CTDSP1: variants seen among roughly 807,000 people sequenced by gnomAD.
CTDSP1 encodes the protein carboxy-terminal domain RNA polymerase II polypeptide A small phosphatase 1.
Under a neutral mutation model 32.5 loss-of-function variants are expected in CTDSP1, and 15 were observed. That is an observed-to-expected ratio of 0.46 (90% CI 0.31 to 0.71). The LOEUF is 0.71. CTDSP1 is among the 30% of genes least tolerant of loss of function. The pLI is 0.05. For missense variants in CTDSP1, 294 were observed against 351.1 expected (o/e 0.84, Z 1.30); for synonymous variants, 185 against 145.4 (o/e 1.27, Z -1.96).
At chr2:218,401,485 G>A (rs1697135927) in intron 1 of CTDSP1, 79 bp from the exon 2 acceptor site, 1 of 1,523,974 alleles carries the variant, frequency 6.6e-7, no homozygotes, top group African/African-American at 1.4e-5. Context: ...CCTGGCTCAG[G>A]GGTTCACACC....
chr2:218,397,600 C>T (rs1006934120), upstream of CTDSP1, among the ~76,000 whole-genome samples: 1 of 152,194 alleles, frequency 6.6e-6, no homozygotes, highest in Non-Finnish European at 1.5e-5. Context: ...CCTGCCCCTC[C>T]CCGTTTCTGA....
chr2:218,398,878 G>A (rs1044559534), upstream of CTDSP1: 1 of 154,572 alleles, frequency 6.5e-6, no homozygotes, highest in Non-Finnish European at 1.4e-5. Flanking sequence ...GCAGCGAGAA[G>A]ACAGGGACCT....
At position 218,404,481 on chromosome 2, in the gene CTDSP1, AG is replaced by A. The variant is rs1574802322; in HGVS notation, c.*58del. ...ACCAATGATACCCACACCTCCTCCCAGGAAGACTGCCCAGGCCTTTGTTAGG... is the reference window on the plus strand; with the variant it reads ...ACCAATGATACCCACACCTCCTCCCAGAAGACTGCCCAGGCCTTTGTTAGG... On this transcript the variant is annotated 3_prime_UTR_variant, in exon 7 of 7. Transcript: ENST00000273062. 5.0e-6 allele frequency: 8 copies of A among 1,600,116 alleles called. No individual in the cohort carries two copies. The East Asian group carries it at 1.8e-4, about 36-fold the overall frequency.
intron 1 of CTDSP1, 117 bp downstream of exon 1, chr2:218,400,274 C>T: frequency 5.5e-6 from 5 of 906,998 alleles, no homozygotes; most frequent in Non-Finnish European, 8.4e-6. Flanking sequence ...TAGCTGTGCC[C>T]GAAGCTCCCA....
chr2:218,405,503 A>G lies in CTDSP1; in HGVS notation c.*1078A>G, dbSNP rs1161229377. On this transcript the variant is annotated 3_prime_UTR_variant, in exon 7 of 7. Transcript: ENST00000273062. ...CCAGCTCATCAGTGCCTCCTTGCCC[A>G]TCCTTCACCGGTGCCTTTGGGGGAT... 2 of 152,832 alleles carry G rather than the reference A, an allele frequency of 1.3e-5. No individual in the cohort carries two copies. Among genetic ancestry groups the G allele is most frequent in the East Asian group, 3.7e-4 (2 of 5,334 alleles). 9.5% of individuals were successfully genotyped at this position (152,832 alleles called of 1,614,324 possible).
chr2:218,399,851 G>A, upstream of CTDSP1: 1 of 1,226,880 alleles, frequency 8.2e-7, no homozygotes, highest in Non-Finnish European at 1.0e-6. Context: ...TTGAAACGGC[G>A]CCTGGGTTCC....
At chr2:218,400,892 C>T (rs778663768) in intron 1 of CTDSP1, 27 of 456,336 alleles carry the variant, frequency 5.9e-5, no homozygotes, top group South Asian at 4.0e-4. Context: ...TGGACGCTGC[C>T]CCCAGGTCTG....
In CTDSP1 at chr2:218,400,060, A is replaced by T; in HGVS notation, c.-31A>T. On this transcript the variant is annotated 5_prime_UTR_variant, in exon 1 of 7. Coordinates refer to ENST00000273062, the MANE Select transcript of CTDSP1 (RefSeq NM_021198.3). ...GGGGGAGGCCGGGCGCCCGGGCCAG[A>T]GTCCGGCCGGAGCGGAGCGCGCCCG... 1.5e-6 allele frequency: 2 copies of T among 1,360,196 alleles called. No individual in the cohort carries two copies. Among genetic ancestry groups the T allele is most frequent in the Non-Finnish European group, 1.9e-6 (2 of 1,049,886 alleles). 84.3% of individuals were successfully genotyped at this position (1,360,196 alleles called of 1,614,324 possible).
upstream of CTDSP1, chr2:218,396,945 G>C (rs536365857): frequency 1.3e-5 from 2 of 152,432 alleles, no homozygotes; most frequent in Admixed American, 1.3e-4. Flanking sequence ...CCCTGTGGCA[G>C]GATGCGGTGA....
rs975485291 is a variant in CTDSP1, at chr2:218,402,329, C to A, written c.322-20C>A. ...CCTGGGGCTCCTCCTCCAACTCCAG[C>A]AGCTCTTTTCCCCCCACAGCCAGTG... On this transcript the variant is annotated intron_variant, in intron 3 of 6. Transcript: ENST00000273062. 6.2e-7 allele frequency: 1 copy of A among 1,613,976 alleles called. No homozygotes were observed. The highest frequency in any genetic ancestry group is 1.7e-5 in the Admixed American group (1 of 60,030).
At chr2:218,404,173 G>C in intron 6 of CTDSP1, 124 bp from the exon 7 acceptor site, 1 of 1,217,316 alleles carries the variant, frequency 8.2e-7, no homozygotes, top group Non-Finnish European at 1.2e-6. Context: ...AAAAAAGTTT[G>C]AACACTGTGG....
At position 218,404,621 on chromosome 2, in the gene CTDSP1, G is replaced by T. The variant is rs1697326444; in HGVS notation, c.*196G>T. 1.6e-6 allele frequency: 1 copy of T among 609,196 alleles called. No homozygotes were observed. The highest frequency in any genetic ancestry group is 3.0e-5 in the East Asian group (1 of 33,798). The allele number at this position is 609,196 out of a possible 1,614,324, so 37.7% of individuals were successfully genotyped here. A position where few individuals can be genotyped will look rare whatever the true frequency, so the allele number is the denominator to read the frequency against. On this transcript the variant is annotated 3_prime_UTR_variant, in exon 7 of 7. Coordinates refer to ENST00000273062, the MANE Select transcript of CTDSP1 (RefSeq NM_021198.3). The stretch of plus-strand genomic sequence containing the variant: ...CTGCACTGAGGACCGTGAGCTCCAG[G>T]CCCCGTGTCAGTGCCTTCAAACCTC...
chr2:218,405,360 CCT>C lies in CTDSP1; in HGVS notation c.*938_*939del, dbSNP rs1416928536. 6.6e-6 allele frequency: 1 copy of C among 152,522 alleles called. No homozygotes were observed. The highest frequency in any genetic ancestry group is 1.5e-5 in the Non-Finnish European group (1 of 68,076). The allele number at this position is 152,522 out of a possible 1,614,324, so 9.4% of individuals were successfully genotyped here. A position where few individuals can be genotyped will look rare whatever the true frequency, so the allele number is the denominator to read the frequency against. ...CTGGGCCAAGGGGCCCAGGCCCTGT[CCT>C]CTGTCCCTCACACCCCTTTGCTCCG... On this transcript the variant is annotated 3_prime_UTR_variant, in exon 7 of 7. Coordinates refer to ENST00000273062, the MANE Select transcript of CTDSP1 (RefSeq NM_021198.3).
rs1432606376 is a variant in CTDSP1 at position 218,402,193 on chromosome 2, C to A, written c.299C>A (p.Thr100Asn). The A allele has an allele frequency of 6.2e-7, 1 of 1,613,588 alleles. No individual in the cohort carries two copies. The highest frequency in any genetic ancestry group is 8.5e-7 in the Non-Finnish European group (1 of 1,179,908). Residue 100 changes from threonine to asparagine, a missense_variant, in exon 3 of 7, where the codon ACC becomes AAC. Thr to Asn is a moderately conservative substitution (Grantham distance 65, BLOSUM62 0). Around this residue, in one of 2 missense-constraint regions of CTDSP1, gnomAD observed 146 missense variants for 237.7 expected, o/e 0.61. Transcript: ENST00000273062. The part of the protein sequence containing the change: ...KICVVIDLDE[T>N]LVHSSFKPVN... The stretch of plus-strand genomic sequence containing the variant: ...TGCGTGGTCATCGACCTGGACGAGA[C>A]CCTGGTGCACAGCTCCTTCAAGGTG...
intron 1 of CTDSP1, chr2:218,401,305 CCTT>C (rs1245397538): frequency 5.5e-6 from 3 of 548,366 alleles, no homozygotes; most frequent in Non-Finnish European, 9.8e-6. Flanking sequence ...CCCAGGACCT[CCTT>C]CTCCAGGCCA....
At chr2:218,403,554 T>G (rs570925712) in intron 6 of CTDSP1, 137 bp downstream of exon 6, 1 of 723,628 alleles carries the variant, frequency 1.4e-6, no homozygotes, top group South Asian at 1.9e-5. Flanking sequence ...TCATTGCCTG[T>G]GCCTGCCGCC....
In CTDSP1 at chr2:218,402,196, T is replaced by G; in HGVS notation, c.302T>G (p.Leu101Arg). Residue 101 changes from leucine to arginine, a missense_variant, in exon 3 of 7, where the codon CTG becomes CGG. Physicochemically the swap from Leu to Arg is moderately radical, Grantham distance 102. This residue lies in a region of CTDSP1 where 146 missense variants were observed against 237.7 expected (regional missense o/e 0.61). Coordinates refer to ENST00000273062, the MANE Select transcript of CTDSP1 (RefSeq NM_021198.3). ...GTGGTCATCGACCTGGACGAGACCC[T>G]GGTGCACAGCTCCTTCAAGGTGGGC... Reference protein sequence around the residue: ...ICVVIDLDETLVHSSFKPVNN... With the variant: ...ICVVIDLDETRVHSSFKPVNN... 6.2e-7 allele frequency: 1 copy of G among 1,613,582 alleles called. No individual in the cohort carries two copies. The highest frequency in any genetic ancestry group is 8.5e-7 in the Non-Finnish European group (1 of 1,179,862).
At chr2:218,403,925 T>A (rs1574801511) in intron 6 of CTDSP1, among the ~76,000 whole-genome samples, 1 of 152,184 alleles carries the variant, frequency 6.6e-6, no homozygotes, top group East Asian at 1.9e-4. Flanking sequence ...CCAGGCGTGG[T>A]GGCGCATGCC....
upstream of CTDSP1, chr2:218,399,788 G>A: frequency 8.3e-6 from 9 of 1,090,712 alleles, no homozygotes; most frequent in South Asian, 4.4e-5. Context: ...AGTGGCGAAA[G>A]CCGCAGCCGA....
Sources: gnomAD v4.1 joint callset for allele counts (sites outside exome capture counted in the v4.1 genomes callset) on GRCh38, gnomAD v4.1.1 for gene constraint, gnomAD v4.1.1 regional missense constraint, MANE v1.5 for transcripts, NCBI Gene and HGNC (gene_info 2026-07-23, HGNC 2026-07-21) for gene names.